The following FAM186B variants were observed in gnomAD, a reference collection of about 807,000 sequenced individuals.
The protein encoded by FAM186B is protein FAM186B.
Under a neutral mutation model 83.4 loss-of-function variants are expected in FAM186B, and 68 were observed. The ratio of observed to expected loss-of-function variants is 0.81; its 90% CI spans 0.67 to 1.00. FAM186B has a LOEUF of 1.00. FAM186B is among the 50% of genes least tolerant of loss of function. The pLI is 0.00. For synonymous variants in FAM186B, 389 were observed against 422.0 expected (o/e 0.92, Z 0.96); for missense variants, 983 against 1,099.2 (o/e 0.89, Z 1.49).
At chr12:49,602,126 G>A (rs1939909172) in intron 3 of FAM186B, among the ~76,000 whole-genome samples, 1 of 152,134 alleles carries the variant, frequency 6.6e-6, no homozygotes, top group African/African-American at 2.4e-5. Flanking sequence ...TATGTCATAG[G>A]ACTTAGATTA....
At chr12:49,620,576 G>A in the FAM186B span, among the ~76,000 whole-genome samples, 1 of 152,052 alleles carries the variant, frequency 6.6e-6, no homozygotes, top group Non-Finnish European at 1.5e-5. Context: ...GTATATATGT[G>A]TATGTGTTTA....
At chr12:49,611,858 A>AAAAAT in the FAM186B span, among the ~76,000 whole-genome samples, 24 of 148,284 alleles carry the variant, frequency 1.6e-4, no homozygotes, top group African/African-American at 2.5e-4. Flanking sequence ...ACTCCATCTG[A>AAAAAT]AAAATAAAAT....
At chr12:49,585,493 GA>G (rs140293299), downstream of FAM186B, among the ~76,000 whole-genome samples, 1 of 152,150 alleles carries the variant, frequency 6.6e-6, no homozygotes, top group Admixed American at 6.5e-5. Flanking sequence ...AGACAAAGCT[GA>G]AAAAAATCTC....
chr12:49,619,775 A>G, the FAM186B span, among the ~76,000 whole-genome samples: 4 of 149,324 alleles, frequency 2.7e-5, no homozygotes, highest in African/African-American at 7.5e-5. Flanking sequence ...CTCGAGTTCA[A>G]GTGACTCTCC....
chr12:49,615,871 G>A, the FAM186B span, among the ~76,000 whole-genome samples: 2 of 152,114 alleles, frequency 1.3e-5, no homozygotes, highest in African/African-American at 2.4e-5. Flanking sequence ...TTGCATTAGG[G>A]AAATACAAGT....
upstream of FAM186B, among the ~76,000 whole-genome samples, chr12:49,609,074 ATTGTAGAAAGCACC>A (rs1225198133): frequency 6.6e-6 from 1 of 152,150 alleles, no homozygotes; most frequent in Non-Finnish European, 1.5e-5. Flanking sequence ...TACAGCCAGA[ATTGTAGAAAGCACC>A]TTGCAGTAGG....
chr12:49,599,552 G>GGT lies in FAM186B; in HGVS notation c.2086_2087dup (p.Thr697ProfsTer39). On this transcript the variant is annotated frameshift_variant, in exon 4 of 7. Coordinates refer to ENST00000257894, the MANE Select transcript of FAM186B (RefSeq NM_032130.3). LOFTEE classifies it high-confidence loss of function. ...GCGCGCCCAGCTCCATGGTGGTGGT[G>GGT]GTGAGCTCCAGTGCTTTGCTGCGCA... 6.2e-7 allele frequency: 1 copy of GGT among 1,611,028 alleles called. No homozygotes were observed. The highest frequency in any genetic ancestry group is 8.5e-7 in the Non-Finnish European group (1 of 1,178,552).
At chr12:49,593,157 C>G (rs912740584) in intron 5 of FAM186B, 10 of 152,248 alleles carry the variant, frequency 6.6e-5, no homozygotes, top group Non-Finnish European at 1.3e-4. Flanking sequence ...GAGAAGACTA[C>G]TAGCATGGCC....
In FAM186B at chr12:49,600,733, T is replaced by G. The variant is rs1244751253; in HGVS notation, c.907A>C (p.Arg303=). The stretch of plus-strand genomic sequence containing the variant: ...TTCATCAGGAGAAGGTCATGGTACC[T>G]TCCCCCTAAGATCTCTACCTGCTTC... The part of the protein sequence containing the change: ...LLKQVEILGG[R]YHDLLLMKQA... The change falls in exon 4 of 7, where the codon AGG becomes CGG. Residue 303 remains arginine, a synonymous_variant. Coordinates refer to ENST00000257894, the MANE Select transcript of FAM186B (RefSeq NM_032130.3). The surrounding 1 kb of genome is among the most constrained non-coding windows in gnomAD (Gnocchi z 4.3). 6.2e-7 allele frequency: 1 copy of G among 1,614,172 alleles called. No homozygotes were observed.
chr12:49,604,277 C>T, intron 2 of FAM186B, 36 bp downstream of exon 2: 1 of 1,573,314 alleles, frequency 6.4e-7, no homozygotes, highest in Middle Eastern at 1.7e-4. Flanking sequence ...ACACTCCCCT[C>T]CCAGAGGAGG....
chr12:49,588,076 C>T (rs777002476), intron 6 of FAM186B, among the ~76,000 whole-genome samples: 6 of 152,226 alleles, frequency 3.9e-5, no homozygotes, highest in Non-Finnish European at 8.8e-5. Flanking sequence ...TTCACAGTGT[C>T]TCCAGAGCCT....
chr12:49,586,021 G>A (rs1052456948), downstream of FAM186B, among the ~76,000 whole-genome samples: 9 of 152,160 alleles, frequency 5.9e-5, no homozygotes, highest in Non-Finnish European at 1.0e-4. Flanking sequence ...AGCCTGACAC[G>A]CAGGGAGGTG....
Position 49,605,599 on chromosome 12 carries a change from G to GC in FAM186B, c.-123dup. On this transcript the variant is annotated 5_prime_UTR_variant, in exon 1 of 7. Coordinates refer to ENST00000257894, the MANE Select transcript of FAM186B (RefSeq NM_032130.3). ...TGTCTCCTGGGTACCCTCTGCCCAGGCACAGCTCCTCTGGTAACTGCCAAA... is the reference window on the plus strand; with the variant it reads ...TGTCTCCTGGGTACCCTCTGCCCAGGCCACAGCTCCTCTGGTAACTGCCAAA... 3.0e-6 allele frequency: 3 copies of GC among 997,796 alleles called. No individual in the cohort carries two copies. The highest frequency in any genetic ancestry group is 2.9e-6 in the Non-Finnish European group (2 of 689,052). The allele number at this position is 997,796 out of a possible 1,614,324, so 61.8% of individuals were successfully genotyped here.
chr12:49,618,632 C>T, the FAM186B span, among the ~76,000 whole-genome samples: 591 of 151,892 alleles, frequency 3.9e-3, 5 homozygotes, highest in Non-Finnish European at 6.7e-3. Context: ...AAGGACAATT[C>T]GGAGAATAAA....
chr12:49,610,519 G>A (rs557491481), upstream of FAM186B, among the ~76,000 whole-genome samples: 9 of 152,334 alleles, frequency 5.9e-5, no homozygotes, highest in Middle Eastern at 3.4e-3. Flanking sequence ...GGCTGGGCGT[G>A]GTGGCTCACG....
upstream of FAM186B, among the ~76,000 whole-genome samples, chr12:49,608,448 A>G (rs543747022): frequency 1.3e-5 from 2 of 150,040 alleles, no homozygotes; most frequent in South Asian, 4.2e-4. Flanking sequence ...CTGAGATCAT[A>G]TCACTGTACT....
intron 5 of FAM186B, chr12:49,595,378 T>G (rs1007635031): frequency 9.1e-6 from 5 of 550,746 alleles, no homozygotes; most frequent in African/African-American, 3.8e-5. Context: ...TGAGTCTGCT[T>G]CTGTGAAGGA....
chr12:49,622,240 C>CGCG, the FAM186B span, among the ~76,000 whole-genome samples: 1 of 150,144 alleles, frequency 6.7e-6, no homozygotes, highest in African/African-American at 2.5e-5. Flanking sequence ...CCTCTCCTGC[C>CGCG]GCGGCGGCGG....
At chr12:49,584,537 T>G (rs1939399649), downstream of FAM186B, 3 of 702,382 alleles carry the variant, frequency 4.3e-6, no homozygotes, top group Non-Finnish European at 7.8e-6. Flanking sequence ...AGGGAGTGAC[T>G]CGCTTGACTT....
Sources: allele counts gnomAD v4.1 joint callset (sites outside exome capture counted in the v4.1 genomes callset), GRCh38; gene constraint gnomAD v4.1.1; non-coding constraint Gnocchi (gnomAD v3.1); transcripts MANE v1.5; gene names NCBI Gene and HGNC (gene_info 2026-07-23, HGNC 2026-07-21).